CHRM1: variants seen among roughly 807,000 people sequenced by gnomAD.
CHRM1 encodes muscarinic acetylcholine receptor M1.
In CHRM1, 5 loss-of-function variants were observed where a neutral mutation model predicts 31.6. The ratio of observed to expected loss-of-function variants is 0.16; its 90% CI spans 0.08 to 0.33. The LOEUF (loss-of-function observed/expected upper bound fraction) is 0.33. CHRM1 is among the 10% of genes least tolerant of loss of function. The probability of loss-of-function intolerance (pLI) is 1.00; values close to 1 mark genes in which losing one functional copy is unlikely to be tolerated. For missense variants in CHRM1, 338 were observed against 610.3 expected, an observed-to-expected ratio of 0.55 and a Z score of 4.70; for synonymous variants, 227 against 249.7, an observed-to-expected ratio of 0.91 and a Z score of 0.86.
chr11:62,921,629 C>T (rs754677742), upstream of CHRM1: 1 of 152,808 alleles, frequency 6.5e-6, no homozygotes, highest in Non-Finnish European at 1.5e-5. Context: ...GAGACAAACA[C>T]CCACACCCAC....
Position 62,909,582 on chromosome 11 carries a change from C to T in CHRM1, c.*136G>A. On this transcript the variant is annotated 3_prime_UTR_variant, in exon 2 of 2. Coordinates refer to ENST00000306960, the MANE Select transcript of CHRM1 (RefSeq NM_000738.3). The stretch of plus-strand genomic sequence containing the variant: ...AAGTTGGCAGGGTCTCTCTGGGCTG[C>T]CCAGGAAGGTGACCCAGGGTCCTGG... 2 of 1,098,626 alleles carry T rather than the reference C, an allele frequency of 1.8e-6. No homozygotes were observed. The highest frequency in any genetic ancestry group is 4.8e-5 in the East Asian group (2 of 41,886). The allele number at this position is 1,098,626 out of a possible 1,614,324, so 68.1% of individuals were successfully genotyped here.
intron 1 of CHRM1, chr11:62,917,890 G>T (rs1042866806): frequency 6.6e-6 from 1 of 151,844 alleles, no homozygotes; most frequent in Non-Finnish European, 1.5e-5. Flanking sequence ...TTATAAACTC[G>T]ATCTAATCTA....
chr11:62,917,730 T>A (rs1249609371), intron 1 of CHRM1, among the ~76,000 whole-genome samples: 3 of 152,170 alleles, frequency 2.0e-5, no homozygotes, highest in Admixed American at 1.3e-4. Flanking sequence ...TGTGGCCTCC[T>A]GATGAAGGCT....
In CHRM1 at chr11:62,910,252, G is replaced by C. The variant is rs1281601133; in HGVS notation, c.849C>G (p.Gly283=). 1 of 1,613,510 alleles carries C rather than the reference G, an allele frequency of 6.2e-7. No homozygotes were observed. ...CTGAGGATGTGAGGGACTCCATGGA[G>C]CCTTCGTCCTCTTCCTCTTCTTCCT... ...SWKEEEEEDE[G]SMESLTSSEG... The change falls in exon 2 of 2, where the codon GGC becomes GGG. Residue 283 remains glycine (G), a synonymous_variant. Coordinates refer to ENST00000306960, the MANE Select transcript of CHRM1 (RefSeq NM_000738.3). The surrounding 1 kb of genome is among the most constrained non-coding windows in gnomAD (Gnocchi z 8.7).
upstream of CHRM1, chr11:62,921,466 C>G (rs1159678886): frequency 6.6e-6 from 1 of 152,382 alleles, no homozygotes; most frequent in Non-Finnish European, 1.5e-5. Flanking sequence ...AGGGAAGCCT[C>G]AGGCAGCGTC....
At chr11:62,913,421 C>CTTTGGATTACACTTGTA (rs1759638411) in intron 1 of CHRM1, among the ~76,000 whole-genome samples, 1 of 152,104 alleles carries the variant, frequency 6.6e-6, no homozygotes, top group African/African-American at 2.4e-5. Flanking sequence ...CCTGTAATCC[C>CTTTGGATTACACTTGTA]AGCACTTTGG....
intron 1 of CHRM1, 100 bp from the exon 2 acceptor site, chr11:62,911,278 C>T (rs1039787678): frequency 4.7e-6 from 3 of 635,702 alleles, no homozygotes; most frequent in Non-Finnish European, 8.2e-6. Context: ...TGCAGAGCTT[C>T]AGACCAGATA....
Position 62,910,185 on chromosome 11 carries a change from T to C in CHRM1, c.916A>G (p.Met306Val), listed in dbSNP as rs1286901593. 8.7e-6 allele frequency: 14 copies of C among 1,603,022 alleles called. No individual in the cohort carries two copies. Among genetic ancestry groups the C allele is most frequent in the African/African-American group, 2.7e-5 (2 of 74,536 alleles). ...PGSEVVIKMP[M>V]VDPEAQAPTK... ...GGGGCCTGTGCCTCGGGGTCCACCA[T>C]TGGCATCTTGATCACCACTTCGGAG... Residue 306 changes from methionine to valine, a missense_variant, in exon 2 of 2, where the codon ATG becomes GTG. Met to Val is a conservative substitution (Grantham distance 21). Around this residue, in one of 4 missense-constraint regions of CHRM1, gnomAD observed 183 missense variants for 223.4 expected, o/e 0.82. Coordinates refer to ENST00000306960, the MANE Select transcript of CHRM1 (RefSeq NM_000738.3). This position sits in a 1 kb window ranked among gnomAD's most constrained non-coding sequence, Gnocchi z 8.7.
chr11:62,919,429 TCTTAA>T lies in CHRM1; in HGVS notation c.-79+1784_-79+1788del, dbSNP rs565620981. ...GCCAAATTTGCTCACCCATGATGGA[TCTTAA>T]GCAGTTGCCTGACTTTGGCCAGACC... is the stretch of plus-strand genomic sequence containing the variant. On this transcript the variant is annotated intron_variant, in intron 1 of 1. Coordinates refer to ENST00000306960, the MANE Select transcript of CHRM1 (RefSeq NM_000738.3). Among the ~76,000 whole-genome samples, 571 of 152,284 alleles carry T rather than the reference TCTTAA, an allele frequency of 3.7e-3. 1 individual carries two copies. The highest frequency in any genetic ancestry group is 0.013 in the African/African-American group (535 of 41,534).
rs750908456 is a variant in CHRM1, at chr11:62,909,331, G to A, written c.*387C>T. The A allele has an allele frequency of 4.1e-5, 8 of 195,120 alleles. No homozygotes were observed. Among genetic ancestry groups the A allele is most frequent in the African/African-American group, 1.4e-4 (6 of 42,526 alleles). 12.1% of individuals were successfully genotyped at this position (195,120 alleles called of 1,614,324 possible). On this transcript the variant is annotated 3_prime_UTR_variant, in exon 2 of 2. Coordinates refer to ENST00000306960, the MANE Select transcript of CHRM1 (RefSeq NM_000738.3). ...CCCCCAGGGGGCACCATCTCACACC[G>A]CAATCTGGGCCGCTGCTGGGCCAAG...
rs759070868 is a variant in CHRM1, at chr11:62,910,340, G to A, written c.761C>T (p.Thr254Ile). The A allele has an allele frequency of 6.2e-7, 1 of 1,609,970 alleles. No individual in the cohort carries two copies. The highest frequency in any genetic ancestry group is 8.5e-7 in the Non-Finnish European group (1 of 1,180,006). Residue 254 changes from threonine to isoleucine, a missense_variant, in exon 2 of 2, where the codon ACT becomes ATT. Around this residue, in one of 4 missense-constraint regions of CHRM1, gnomAD observed 183 missense variants for 223.4 expected, o/e 0.82. Coordinates refer to ENST00000306960, the MANE Select transcript of CHRM1 (RefSeq NM_000738.3). This position sits in a 1 kb window ranked among gnomAD's most constrained non-coding sequence, Gnocchi z 8.7. Reference protein sequence around the residue: ...SQPGAEGSPETPPGRCCRCCR... With the variant: ...SQPGAEGSPEIPPGRCCRCCR... ...GCAGCGACAGCAGCGGCCTGGAGGA[G>A]TCTCTGGTGAGCCCTCAGCCCCTGG...
rs2085866551 is a variant in CHRM1 at position 62,910,734 on chromosome 11, G to A, written c.367C>T (p.Arg123Cys). 6.2e-7 allele frequency: 1 copy of A among 1,614,088 alleles called. No individual in the cohort carries two copies. Among genetic ancestry groups the A allele is most frequent in the South Asian group, 1.1e-5 (1 of 91,088 alleles). Residue 123 changes from arginine to cysteine, a missense_variant, in exon 2 of 2, where the codon CGC becomes TGC. Physicochemically the swap from Arg to Cys is radical, Grantham distance 180. This residue lies in a region of CHRM1 where 85 missense variants were observed against 257.7 expected (regional missense o/e 0.33). Coordinates refer to ENST00000306960, the MANE Select transcript of CHRM1 (RefSeq NM_000738.3). The surrounding 1 kb of genome is among the most constrained non-coding windows in gnomAD (Gnocchi z 8.7). Reference sequence around the variant, plus strand: ...AGGGGCCGAGTCACGGAGAAGTAGCGGTCAAAGCTGATGAGCAGCAGATTC... The same window carrying A: ...AGGGGCCGAGTCACGGAGAAGTAGCAGTCAAAGCTGATGAGCAGCAGATTC... ...VMNLLLISFDRYFSVTRPLSY... is the reference protein window; with the variant it reads ...VMNLLLISFDCYFSVTRPLSY...
At chr11:62,918,949 C>A (rs1372123919) in intron 1 of CHRM1, among the ~76,000 whole-genome samples, 1 of 151,798 alleles carries the variant, frequency 6.6e-6, no homozygotes, top group Non-Finnish European at 1.5e-5. Flanking sequence ...GAGGGAGGAG[C>A]GGAGCCATCT....
At chr11:62,921,406 G>C (rs2085933195), upstream of CHRM1, 1 of 152,446 alleles carries the variant, frequency 6.6e-6, no homozygotes, top group Admixed American at 6.5e-5. Context: ...GAGGGAGAAA[G>C]GGAAAGAGAG....
In CHRM1 at chr11:62,909,991, G is replaced by T; in HGVS notation, c.1110C>A (p.Ile370=). ...EKKAARTLSA[I]LLAFILTWTP... Reference sequence around the variant, plus strand: ...TCCAGGTGAGGATGAAGGCCAGGAGGATGGCACTCAGGGTCCGAGCCGCCT... The same window carrying T: ...TCCAGGTGAGGATGAAGGCCAGGAGTATGGCACTCAGGGTCCGAGCCGCCT... Residue 370 remains isoleucine (I), a synonymous_variant, in exon 2 of 2, where the codon ATC becomes ATA. Transcript: ENST00000306960. The T allele has an allele frequency of 6.2e-7, 1 of 1,614,146 alleles. No individual in the cohort carries two copies. Among genetic ancestry groups the T allele is most frequent in the Non-Finnish European group, 8.5e-7 (1 of 1,180,030 alleles).
In CHRM1 at chr11:62,910,399, C is replaced by A; in HGVS notation, c.702G>T (p.Gly234=). Residue 234 remains glycine, a synonymous_variant, in exon 2 of 2, where the codon GGG becomes GGT. Coordinates refer to ENST00000306960, the MANE Select transcript of CHRM1 (RefSeq NM_000738.3). This position sits in a 1 kb window ranked among gnomAD's most constrained non-coding sequence, Gnocchi z 8.7. ...TCTCTGAGCTGCTGCTGCTGCCACC[C>A]CCTTTGCCTGGCGTCTCGGAGCCCT... ...ALQGSETPGK[G]GGSSSSSERS... The A allele has an allele frequency of 6.2e-7, 1 of 1,611,868 alleles. No homozygotes were observed. Among genetic ancestry groups the A allele is most frequent in the East Asian group, 2.2e-5 (1 of 44,878 alleles).
chr11:62,917,894 T>C (rs904234274), intron 1 of CHRM1: 2 of 152,198 alleles, frequency 1.3e-5, no homozygotes, highest in Non-Finnish European at 2.9e-5. Flanking sequence ...AAACTCGATC[T>C]AATCTACCTG....
upstream of CHRM1, chr11:62,921,770 C>T: frequency 6.6e-6 from 1 of 152,102 alleles, no homozygotes; most frequent in African/African-American, 2.4e-5. Context: ...TATTCACATG[C>T]CTGCTTCCCT....
rs574345028 is a variant in CHRM1 at position 62,910,283 on chromosome 11, C to T, written c.818G>A (p.Ser273Asn). Residue 273 changes from serine (S) to asparagine (N), a missense_variant, in exon 2 of 2, where the codon AGC becomes AAC. By Grantham distance (46) the Ser-to-Asn change is conservative. This residue lies in a region of CHRM1 where 183 missense variants were observed against 223.4 expected (regional missense o/e 0.82). Transcript: ENST00000306960. This position sits in a 1 kb window ranked among gnomAD's most constrained non-coding sequence, Gnocchi z 8.7. ...CRAPRLLQAY[S>N]WKEEEEEDEG... Reference sequence around the variant, plus strand: ...GTCCTCTTCCTCTTCTTCCTTCCAGCTGTAGGCCTGCAGCAGCCTGGGGGC... The same window carrying T: ...GTCCTCTTCCTCTTCTTCCTTCCAGTTGTAGGCCTGCAGCAGCCTGGGGGC... 2.5e-6 allele frequency: 4 copies of T among 1,613,166 alleles called. No homozygotes were observed. In the African/African-American group the frequency reaches 5.3e-5, roughly 21 times the overall value.
Sources: gnomAD v4.1 joint callset for allele counts (sites outside exome capture counted in the v4.1 genomes callset) on GRCh38, gnomAD v4.1.1 for gene constraint, gnomAD v4.1.1 regional missense constraint, Gnocchi (gnomAD v3.1) non-coding constraint, MANE v1.5 for transcripts, NCBI Gene and HGNC (gene_info 2026-07-23, HGNC 2026-07-21) for gene names.